Variants in ITGBL1 observed in about 807,000 individuals in gnomAD.
The protein encoded by ITGBL1 is integrin beta-like protein 1.
Under a neutral mutation model 68.5 loss-of-function variants are expected in ITGBL1, and 51 were observed. That is an observed-to-expected ratio of 0.74 (90% CI 0.59 to 0.94). The LOEUF (loss-of-function observed/expected upper bound fraction) is 0.94. Among genes scored for constraint, ITGBL1 ranks in the 40% least tolerant of loss-of-function variants. The pLI, the probability that ITGBL1 is intolerant of heterozygous loss-of-function variation, is 0.00. For synonymous variants in ITGBL1, 209 were observed against 227.3 expected (o/e 0.92, Z 0.72); for missense variants, 649 against 647.4 (o/e 1.00, Z -0.03).
chr13:101,499,898 G>C (rs2048913978), intron 2 of ITGBL1, among the ~76,000 whole-genome samples: 1 of 152,224 alleles, frequency 6.6e-6, no homozygotes, highest in Non-Finnish European at 1.5e-5. Flanking sequence ...GCCTTCTGCT[G>C]CGTCAGCCTC....
At chr13:101,717,180 A>C (rs973437298), downstream of ITGBL1, 1 of 152,150 alleles carries the variant, frequency 6.6e-6, no homozygotes, top group Non-Finnish European at 1.5e-5. Flanking sequence ...ATTTCCAAAA[A>C]TAAGGAAAAT....
chr13:101,654,365 A>G (rs928776569), intron 7 of ITGBL1, among the ~76,000 whole-genome samples: 3 of 152,122 alleles, frequency 2.0e-5, no homozygotes, highest in Non-Finnish European at 4.4e-5. Context: ...GCCTCCAGGG[A>G]CCCGAAGGTG....
intron 7 of ITGBL1, among the ~76,000 whole-genome samples, chr13:101,671,873 A>C (rs1195613681): frequency 6.6e-6 from 1 of 152,184 alleles, no homozygotes; most frequent in Non-Finnish European, 1.5e-5. Flanking sequence ...TTCAATAAGA[A>C]TCTGCTTTCT....
At chr13:101,516,615 C>A (rs957659717) in intron 2 of ITGBL1, among the ~76,000 whole-genome samples, 2 of 152,160 alleles carry the variant, frequency 1.3e-5, no homozygotes, top group African/African-American at 4.8e-5. Flanking sequence ...TGGATATTAT[C>A]ATAGCCCAAA....
chr13:101,681,603 C>T (rs919192705), intron 7 of ITGBL1, among the ~76,000 whole-genome samples: 1 of 152,154 alleles, frequency 6.6e-6, no homozygotes, highest in African/African-American at 2.4e-5. Flanking sequence ...AACTTAGTCC[C>T]TGCTGGTTTG....
intron 6 of ITGBL1, among the ~76,000 whole-genome samples, chr13:101,593,420 T>A (rs1191107648): frequency 6.6e-6 from 1 of 152,104 alleles, no homozygotes; most frequent in Admixed American, 6.6e-5. Flanking sequence ...ATTTCACTAC[T>A]AGATATATAT....
chr13:101,530,847 T>C (rs1216828725), intron 2 of ITGBL1, among the ~76,000 whole-genome samples: 1 of 152,234 alleles, frequency 6.6e-6, no homozygotes, highest in Non-Finnish European at 1.5e-5. Flanking sequence ...CAACAGTTTC[T>C]AATGAAATCT....
Position 101,689,211 on chromosome 13 carries a change from T to TAAAAA in ITGBL1, c.1016-3356_1016-3352dup, listed in dbSNP as rs34627046. Among the ~76,000 whole-genome samples the TAAAAA allele has an allele frequency of 2.8e-3, 210 of 74,852 alleles. 12 individuals are homozygous for TAAAAA. The highest frequency in any genetic ancestry group is 0.021 in the East Asian group (17 of 828). 49.1% of individuals were successfully genotyped at this position (74,852 alleles called of 152,430 possible). ...CCTGGGGACAGAGCAAGACTCTGCC[T>TAAAAA]AAAAAAAAAAAAAAAAAAAAAATTA... On this transcript the variant is annotated intron_variant, in intron 7 of 10. Coordinates refer to ENST00000376180, the MANE Select transcript of ITGBL1 (RefSeq NM_004791.3).
At chr13:101,506,561 C>T (rs1326629802) in intron 2 of ITGBL1, among the ~76,000 whole-genome samples, 2 of 152,154 alleles carry the variant, frequency 1.3e-5, no homozygotes, top group Non-Finnish European at 2.9e-5. Flanking sequence ...GCCAGGTCGG[C>T]AGAGCCAGAA....
At chr13:101,638,795 A>G (rs2032262242) in intron 7 of ITGBL1, among the ~76,000 whole-genome samples, 1 of 152,196 alleles carries the variant, frequency 6.6e-6, no homozygotes, top group Non-Finnish European at 1.5e-5. Context: ...TTGGGTGGGA[A>G]CACAGCCAAA....
intron 7 of ITGBL1, among the ~76,000 whole-genome samples, chr13:101,614,979 A>T (rs1174463367): frequency 6.6e-6 from 1 of 152,152 alleles, no homozygotes; most frequent in Non-Finnish European, 1.5e-5. Flanking sequence ...TGCAAAAACA[A>T]ATGACCACAT....
At chr13:101,517,207 C>A (rs183848823) in intron 2 of ITGBL1, among the ~76,000 whole-genome samples, 2 of 152,210 alleles carry the variant, frequency 1.3e-5, no homozygotes, top group East Asian at 3.9e-4. Flanking sequence ...ATTCCCAACA[C>A]AGAGAGACAG....
intron 2 of ITGBL1, among the ~76,000 whole-genome samples, chr13:101,466,595 A>C (rs912637523): frequency 6.6e-6 from 1 of 152,164 alleles, no homozygotes; most frequent in Admixed American, 6.5e-5. Context: ...ACTGTCACTT[A>C]ATACAGTCTA....
chr13:101,614,468 A>G (rs533158436), intron 7 of ITGBL1, among the ~76,000 whole-genome samples: 45 of 152,198 alleles, frequency 3.0e-4, no homozygotes, highest in African/African-American at 1.1e-3. Context: ...TTCCTTGTTA[A>G]TGAAACTAAG....
At chr13:101,701,168 T>G (rs536244329) in intron 8 of ITGBL1, among the ~76,000 whole-genome samples, 150 of 152,308 alleles carry the variant, frequency 9.8e-4, no homozygotes, top group African/African-American at 3.4e-3. Context: ...ATTTGAATAT[T>G]AATGTATTTT....
At chr13:101,479,197 A>C (rs1182189379) in intron 2 of ITGBL1, among the ~76,000 whole-genome samples, 1 of 152,096 alleles carries the variant, frequency 6.6e-6, no homozygotes, top group East Asian at 1.9e-4. Flanking sequence ...TGCCAAGAAC[A>C]TACATTGAGG....
intron 2 of ITGBL1, among the ~76,000 whole-genome samples, chr13:101,495,803 T>A (rs2048850159): frequency 1.3e-5 from 2 of 152,136 alleles, no homozygotes; most frequent in South Asian, 2.1e-4. Flanking sequence ...AGGAGTAACC[T>A]TTCCCATTTG....
chr13:101,462,184 G>A (rs1250340020), intron 2 of ITGBL1, among the ~76,000 whole-genome samples: 2 of 152,154 alleles, frequency 1.3e-5, no homozygotes, highest in African/African-American at 2.4e-5. Flanking sequence ...GTCTCCCAGA[G>A]CCTCTTCCAT....
chr13:101,453,956 C>T lies in ITGBL1; in HGVS notation c.172C>T (p.Pro58Ser). The T allele has an allele frequency of 2.0e-6, 3 of 1,496,826 alleles. No homozygotes were observed. Among genetic ancestry groups the T allele is most frequent in the Admixed American group, 2.2e-5 (1 of 46,422 alleles). 92.7% of individuals were successfully genotyped at this position (1,496,826 alleles called of 1,614,324 possible). A position where few individuals can be genotyped will look rare whatever the true frequency, so the allele number is the denominator to read the frequency against. ...ACGCTGCCGCGCACCTGGGCAGCCC[C>T]CGGGGGCCGCGCTGTGCCACGGCCG... ...ERRCRAPGQP[P>S]GAALCHGRGR... Residue 58 changes from proline (P) to serine (S), a missense_variant, in exon 2 of 11, where the codon CCG becomes TCG. Transcript: ENST00000376180.
Sources: allele counts gnomAD v4.1 joint callset (sites outside exome capture counted in the v4.1 genomes callset), GRCh38; gene constraint gnomAD v4.1.1; transcripts MANE v1.5; gene names NCBI Gene and HGNC (gene_info 2026-07-23, HGNC 2026-07-21).